The following GOLGA5 variants were observed in gnomAD, a reference collection of about 807,000 sequenced individuals.
GOLGA5 encodes the protein golgin subfamily A member 5.
A neutral mutation model predicts 93.5 loss-of-function variants in GOLGA5; 50 were observed. The observed-to-expected ratio is 0.53, with a 90% CI of 0.43 to 0.68. The LOEUF (loss-of-function observed/expected upper bound fraction) is 0.68. Among genes scored for constraint, GOLGA5 ranks in the 30% least tolerant of loss-of-function variants. The probability of loss-of-function intolerance (pLI) is 0.00; values close to 1 mark genes in which losing one functional copy is unlikely to be tolerated. For synonymous variants in GOLGA5, 312 were observed against 304.5 expected, an observed-to-expected ratio of 1.02 and a Z score of -0.26; for missense variants, 760 against 856.4, an observed-to-expected ratio of 0.89 and a Z score of 1.40.
At chr14:92,834,180 TCA>T (rs1357796391) in intron 10 of GOLGA5, among the ~76,000 whole-genome samples, 3 of 89,682 alleles carry the variant, frequency 3.3e-5, no homozygotes, top group Non-Finnish European at 5.9e-5. Context: ...CTTTTAGGTT[TCA>T]CCTTTTTTTT....
intron 10 of GOLGA5, among the ~76,000 whole-genome samples, 159 bp from the exon 11 acceptor site, chr14:92,835,378 GTTTAAATATTTATGTCATCAAA>G (rs1885618898): frequency 6.6e-6 from 1 of 152,126 alleles, no homozygotes; most frequent in Non-Finnish European, 1.5e-5. Flanking sequence ...GGATATGGAT[GTTTAAATATTTATGTCATCAAA>G]TTTACCTGTC....
intron 2 of GOLGA5, among the ~76,000 whole-genome samples, chr14:92,802,103 A>T (rs149037430): frequency 4.6e-5 from 7 of 152,186 alleles, no homozygotes; most frequent in Non-Finnish European, 8.8e-5. Flanking sequence ...TTGCTTCTAT[A>T]TAGACAGTTT....
In GOLGA5 at chr14:92,811,691, G is replaced by T. The variant is rs1157925241; in HGVS notation, c.1257G>T (p.Leu419Phe). ...AGCAGCAAGTCAAGCTGTATAAGTT[G>T]AACTTGGAGTCCTCTAAGCAGGAAT... ...ELQQQVKLYK[L>F]NLESSKQELI... The change falls in exon 6 of 13, where the codon TTG (leucine) becomes TTT (phenylalanine). Residue 419 changes from leucine (L) to phenylalanine (F), a missense_variant. By Grantham distance (22) the Leu-to-Phe change is conservative. Transcript: ENST00000163416. 1.2e-6 allele frequency: 2 copies of T among 1,612,718 alleles called. No individual in the cohort carries two copies. The highest frequency in any genetic ancestry group is 2.7e-5 in the African/African-American group (2 of 74,868).
chr14:92,798,109 A>T (rs566422501), intron 2 of GOLGA5, 128 bp downstream of exon 2: 53 of 676,210 alleles, frequency 7.8e-5, no homozygotes, highest in Non-Finnish European at 1.3e-4. Flanking sequence ...GACTCTCTGC[A>T]AATGTGTGGT....
intron 7 of GOLGA5, among the ~76,000 whole-genome samples, chr14:92,817,487 T>C (rs895111771): frequency 1.3e-5 from 2 of 152,164 alleles, no homozygotes; most frequent in Admixed American, 1.3e-4. Context: ...TTTATCCTTA[T>C]TCTTATAATT....
At chr14:92,821,559 ATTCTC>A (rs1178564889) in intron 8 of GOLGA5, among the ~76,000 whole-genome samples, 2 of 152,186 alleles carry the variant, frequency 1.3e-5, no homozygotes, top group African/African-American at 2.4e-5. Flanking sequence ...AATCACTACT[ATTCTC>A]TTTATTTTAC....
intron 6 of GOLGA5, among the ~76,000 whole-genome samples, chr14:92,815,922 G>T (rs1348142731): frequency 1.3e-5 from 2 of 151,692 alleles, no homozygotes; most frequent in Non-Finnish European, 2.9e-5. Context: ...AGCCAGGATG[G>T]TCTCGACCTC....
At chr14:92,829,498 G>A (rs962114148) in intron 9 of GOLGA5, among the ~76,000 whole-genome samples, 6 of 152,146 alleles carry the variant, frequency 3.9e-5, no homozygotes, top group Non-Finnish European at 8.8e-5. Flanking sequence ...TTCATTGAAA[G>A]AAGTAATTGC....
intron 1 of GOLGA5, among the ~76,000 whole-genome samples, chr14:92,795,083 A>C (rs1884694781): frequency 1.3e-5 from 1 of 77,364 alleles, no homozygotes; most frequent in Admixed American, 1.3e-4. Context: ...GATATAAAGA[A>C]TTAATGAGCG....
chr14:92,816,493 A>G (rs1483401163), intron 7 of GOLGA5, 72 bp downstream of exon 7: 1 of 1,264,552 alleles, frequency 7.9e-7, no homozygotes, highest in Non-Finnish European at 1.1e-6. Context: ...GAGGTGGGGA[A>G]ACAGCATTAC....
intron 9 of GOLGA5, among the ~76,000 whole-genome samples, chr14:92,825,364 A>C (rs1296690792): frequency 6.6e-6 from 1 of 152,174 alleles, no homozygotes. Context: ...CTTAATTTTT[A>C]TAAGAGTTGA....
Position 92,806,854 on chromosome 14 carries a change from A to T in GOLGA5, c.663A>T (p.Ser221=), listed in dbSNP as rs141712646. The T allele has an allele frequency of 2.7e-4, 434 of 1,613,674 alleles. 3 individuals are homozygous for T. In the African/African-American group the frequency reaches 5.3e-3, roughly 20 times the overall value. Residue 221 remains serine (S), a synonymous_variant, in exon 3 of 13, where the codon TCA becomes TCT. Transcript: ENST00000163416. The part of the protein sequence containing the change: ...HTPTPNDDGK[S]HELSNLRLEN... ...CAACACCTAATGATGATGGCAAATC[A>T]CATGAACTGTCTAACCTTCGACTGG...
At chr14:92,823,609 C>G (rs114270041) in intron 8 of GOLGA5, among the ~76,000 whole-genome samples, 10,027 of 151,736 alleles carry the variant, frequency 0.066, 393 homozygotes, top group Middle Eastern at 0.12. Flanking sequence ...GAGATGAGGT[C>G]TCACTCTGTT....
chr14:92,837,505 T>TGTC (rs113573267), intron 12 of GOLGA5, 56 bp downstream of exon 12: 3 of 790,924 alleles, frequency 3.8e-6, no homozygotes, highest in Non-Finnish European at 6.7e-6. Context: ...CTAGTTTTTT[T>TGTC]TTTTGTTTGT....
intron 8 of GOLGA5, 105 bp downstream of exon 8, chr14:92,819,941 G>C: frequency 9.3e-7 from 1 of 1,080,270 alleles, no homozygotes; most frequent in South Asian, 1.5e-5. Flanking sequence ...TATGGGCTTA[G>C]GGTTACCCCA....
intron 9 of GOLGA5, among the ~76,000 whole-genome samples, chr14:92,825,555 A>G (rs772537323): frequency 7.9e-5 from 12 of 152,158 alleles, no homozygotes; most frequent in Non-Finnish European, 1.5e-4. Flanking sequence ...GAAGTATTGC[A>G]CCATTTTTGT....
intron 1 of GOLGA5, among the ~76,000 whole-genome samples, chr14:92,795,640 G>C (rs1268913870): frequency 6.6e-6 from 1 of 152,178 alleles, no homozygotes; most frequent in Non-Finnish European, 1.5e-5. Context: ...TGCCTACTGT[G>C]TGCTAGACTC....
intron 11 of GOLGA5, 23 bp from the exon 12 acceptor site, chr14:92,837,363 C>A (rs1189867909): frequency 2.4e-6 from 3 of 1,260,062 alleles, no homozygotes; most frequent in Non-Finnish European, 3.4e-6. Context: ...TCTCCTCTCC[C>A]CCTCACACCT....
intron 5 of GOLGA5, 139 bp downstream of exon 5, chr14:92,810,516 A>G: frequency 3.6e-6 from 2 of 556,570 alleles, no homozygotes; most frequent in East Asian, 6.9e-5. Flanking sequence ...CAAAAATCAG[A>G]TATTTGAAAA....
Sources: gnomAD v4.1 joint callset for allele counts (sites outside exome capture counted in the v4.1 genomes callset) on GRCh38, gnomAD v4.1.1 for gene constraint, MANE v1.5 for transcripts, NCBI Gene and HGNC (gene_info 2026-07-23, HGNC 2026-07-21) for gene names.